Variants in GRHL2 observed in about 807,000 individuals in gnomAD.
GRHL2 encodes the protein grainyhead like transcription factor 2, also known as grainyhead-like protein 2 homolog.
GRHL2 carries 21 observed loss-of-function variants against 83.8 expected under a neutral mutation model. That is an observed-to-expected ratio of 0.25 (90% CI 0.18 to 0.36). GRHL2 has a LOEUF of 0.36. Ranked by LOEUF, GRHL2 falls within the 10% of genes least tolerant of loss-of-function variation. GRHL2 has a pLI of 1.00. For missense variants in GRHL2, 623 were observed against 781.8 expected (o/e 0.80, Z 2.42); for synonymous variants, 280 against 278.9 (o/e 1.00, Z -0.04).
chr8:101,632,829 C>A (rs1813213631), intron 11 of GRHL2, among the ~76,000 whole-genome samples: 1 of 152,210 alleles, frequency 6.6e-6, no homozygotes, highest in Non-Finnish European at 1.5e-5. Flanking sequence ...ATAGGTAAAT[C>A]ATTTCACATC....
chr8:101,639,027 G>A (rs905616055), intron 12 of GRHL2, among the ~76,000 whole-genome samples: 1 of 152,162 alleles, frequency 6.6e-6, no homozygotes, highest in Non-Finnish European at 1.5e-5. Flanking sequence ...TTGTTCTCAT[G>A]GGAAAACTTA....
rs187347733 is a variant in GRHL2 at position 101,561,171 on chromosome 8, T to C, written c.678+2359T>C. Among the ~76,000 whole-genome samples, 170 of 151,914 alleles carry C rather than the reference T, an allele frequency of 1.1e-3. 1 individual carries two copies. Among genetic ancestry groups the C allele is most frequent in the African/African-American group, 3.9e-3 (163 of 41,384 alleles). ...TTCGAAGTAATTTTTTTTTTTTTAC[T>C]TTTTAAATGGTTTTATGTGCAAATA... is the stretch of plus-strand genomic sequence containing the variant. On this transcript the variant is annotated intron_variant, in intron 4 of 15. Coordinates refer to ENST00000646743, the MANE Select transcript of GRHL2 (RefSeq NM_024915.4).
At chr8:101,582,101 G>C (rs2130256431) in intron 7 of GRHL2, among the ~76,000 whole-genome samples, 1 of 152,190 alleles carries the variant, frequency 6.6e-6, no homozygotes, top group Admixed American at 6.5e-5. Flanking sequence ...AGCCGGACGT[G>C]GTGGCGGGCA....
At position 101,592,100 on chromosome 8, in the gene GRHL2, C is replaced by CTTTTTTTTTTTTTT. The variant is rs11382067; in HGVS notation, c.1004-6948_1004-6935dup. Among the ~76,000 whole-genome samples, 360 of 90,298 alleles carry CTTTTTTTTTTTTTT rather than the reference C, an allele frequency of 4.0e-3. 6 individuals carry two copies. The highest frequency in any genetic ancestry group is 0.01 in the Middle Eastern group (1 of 96). The allele number at this position is 90,298 out of a possible 152,430, so 59.2% of individuals were successfully genotyped here. On this transcript the variant is annotated intron_variant, in intron 7 of 15. Transcript: ENST00000646743. ...GTACAGCACTTTCTTTCTTTCTTTT[C>CTTTTTTTTTTTTTT]TTTTTTTTTTTTTTTTTTTTTTGAG...
At chr8:101,601,173 CA>C (rs1812502856) in intron 8 of GRHL2, among the ~76,000 whole-genome samples, 2 of 111,496 alleles carry the variant, frequency 1.8e-5, no homozygotes, top group African/African-American at 7.1e-5. Flanking sequence ...CACACACACA[CA>C]CACACACACA....
chr8:101,533,078 C>A (rs1810971685), intron 1 of GRHL2, among the ~76,000 whole-genome samples: 1 of 151,924 alleles, frequency 6.6e-6, no homozygotes, highest in South Asian at 2.1e-4. Flanking sequence ...TACCTCAGGT[C>A]CAAATGTAAA....
chr8:101,679,777 T>C, the GRHL2 span, among the ~76,000 whole-genome samples: 9 of 149,076 alleles, frequency 6.0e-5, no homozygotes, highest in South Asian at 1.3e-3. Context: ...TATTCAACAT[T>C]CTTAAAGAAA....
Position 101,666,656 on chromosome 8 carries a change from A to G in GRHL2, c.1831A>G (p.Met611Val). The stretch of plus-strand genomic sequence containing the variant: ...GAACGAGGACACCTTCATCCTCAAC[A>G]TGGAGAGCATGGTGGAGGGCTTCAA... ...YSNEDTFILN[M>V]ESMVEGFKVT... Residue 611 changes from methionine (M) to valine (V), a missense_variant, in exon 16 of 16, where the codon ATG becomes GTG. This residue lies in a region of GRHL2 where 210 missense variants were observed against 254.8 expected (regional missense o/e 0.82). Transcript: ENST00000646743. The G allele has an allele frequency of 6.2e-7, 1 of 1,613,546 alleles. No homozygotes were observed. The highest frequency in any genetic ancestry group is 8.5e-7 in the Non-Finnish European group (1 of 1,179,472).
At chr8:101,672,777 G>A (rs1342075751), downstream of GRHL2, among the ~76,000 whole-genome samples, 3 of 151,454 alleles carry the variant, frequency 2.0e-5, no homozygotes, top group Middle Eastern at 6.8e-3. Flanking sequence ...TGAAATGAAG[G>A]AAAAAATGTT....
intron 10 of GRHL2, among the ~76,000 whole-genome samples, 196 bp from the exon 11 acceptor site, chr8:101,632,030 C>A (rs1813196186): frequency 6.6e-6 from 1 of 152,196 alleles, no homozygotes; most frequent in Non-Finnish European, 1.5e-5. Context: ...TCGAGCTTCA[C>A]CTCAGCAGTG....
At chr8:101,660,720 GAAGT>G (rs1176529425) in intron 14 of GRHL2, among the ~76,000 whole-genome samples, 1 of 151,984 alleles carries the variant, frequency 6.6e-6, no homozygotes, top group Non-Finnish European at 1.5e-5. Flanking sequence ...CCAAATTCCT[GAAGT>G]AATTCTTCAC....
At chr8:101,498,205 G>A (rs1008779324) in intron 1 of GRHL2, among the ~76,000 whole-genome samples, 10 of 152,268 alleles carry the variant, frequency 6.6e-5, no homozygotes, top group Middle Eastern at 3.4e-3. Context: ...TGCAACCTCC[G>A]CCTCCCAAGT....
downstream of GRHL2, among the ~76,000 whole-genome samples, chr8:101,674,217 C>T (rs1016083832): frequency 6.6e-6 from 1 of 152,056 alleles, no homozygotes; most frequent in Admixed American, 6.6e-5. Flanking sequence ...CAGAACAGAA[C>T]TGAAGGAAAT....
At position 101,667,107 on chromosome 8, in the gene GRHL2, A is replaced by G. The variant is rs922087664; in HGVS notation, c.*404A>G. 1.1e-5 allele frequency: 3 copies of G among 282,698 alleles called. No individual in the cohort carries two copies. Among genetic ancestry groups the G allele is most frequent in the Middle Eastern group, 1.2e-3 (1 of 826 alleles). 17.5% of individuals were successfully genotyped at this position (282,698 alleles called of 1,614,324 possible). On this transcript the variant is annotated 3_prime_UTR_variant, in exon 16 of 16. Transcript: ENST00000646743. ...CCCATCCCTTCTCTCTCACCCCTCC[A>G]TATCTATCTCCCGAGTGGCTGGACA... is the stretch of plus-strand genomic sequence containing the variant.
At chr8:101,626,202 C>T (rs1183461229) in intron 9 of GRHL2, among the ~76,000 whole-genome samples, 1 of 152,006 alleles carries the variant, frequency 6.6e-6, no homozygotes, top group Non-Finnish European at 1.5e-5. Context: ...TCATCACAGT[C>T]TATAGTTTTC....
At chr8:101,613,847 G>A (rs1174373270) in intron 8 of GRHL2, among the ~76,000 whole-genome samples, 1 of 150,950 alleles carries the variant, frequency 6.6e-6, no homozygotes, top group Non-Finnish European at 1.5e-5. Flanking sequence ...TCTTGGAAAA[G>A]AATTTTTTTT....
At chr8:101,602,324 G>A (rs1266599034) in intron 8 of GRHL2, among the ~76,000 whole-genome samples, 1 of 152,244 alleles carries the variant, frequency 6.6e-6, no homozygotes, top group African/African-American at 2.4e-5. Flanking sequence ...TGTTTGTGAT[G>A]TTCATGTTGT....
At chr8:101,568,116 G>T (rs1340336732) in intron 4 of GRHL2, among the ~76,000 whole-genome samples, 2 of 152,162 alleles carry the variant, frequency 1.3e-5, no homozygotes, top group African/African-American at 4.8e-5. Flanking sequence ...ACTATCCAAT[G>T]TTAGTCACTA....
At chr8:101,539,758 C>T (rs1327603263) in intron 1 of GRHL2, among the ~76,000 whole-genome samples, 1 of 152,220 alleles carries the variant, frequency 6.6e-6, no homozygotes, top group Non-Finnish European at 1.5e-5. Flanking sequence ...TTTCCCACAT[C>T]TCACCATCTC....
Sources: allele counts gnomAD v4.1 joint callset (sites outside exome capture counted in the v4.1 genomes callset), GRCh38; gene constraint gnomAD v4.1.1; regional missense constraint gnomAD v4.1.1; transcripts MANE v1.5; gene names NCBI Gene and HGNC (gene_info 2026-07-23, HGNC 2026-07-21).